IST1: variants seen among roughly 807,000 people sequenced by gnomAD.
The protein encoded by IST1 is IST1 homolog.
Under a neutral mutation model 37.0 loss-of-function variants are expected in IST1, and 23 were observed. The observed-to-expected ratio is 0.62, with a 90% CI of 0.45 to 0.88. IST1 has a LOEUF of 0.88. Among genes scored for constraint, IST1 ranks in the 40% least tolerant of loss-of-function variants. The pLI is 0.00. For synonymous variants in IST1, 180 were observed against 161.7 expected, an observed-to-expected ratio of 1.11 and a Z score of -0.86; for missense variants, 488 against 445.4, an observed-to-expected ratio of 1.10 and a Z score of -0.86.
chr16:71,913,957 C>T (rs2037412957), intron 1 of IST1, among the ~76,000 whole-genome samples: 1 of 151,260 alleles, frequency 6.6e-6, no homozygotes, highest in African/African-American at 2.4e-5. Context: ...TACAGGCATG[C>T]GCCACCACGC....
Position 71,921,892 on chromosome 16 carries a change from C to G in IST1, c.552+439C>G, listed in dbSNP as rs192188855. The G allele has an allele frequency of 2.7e-3, 503 of 187,734 alleles. 2 individuals are homozygous for G. Among genetic ancestry groups the G allele is most frequent in the South Asian group, 0.01 (105 of 10,160 alleles). 11.6% of individuals were successfully genotyped at this position (187,734 alleles called of 1,614,324 possible). A position where few individuals can be genotyped will look rare whatever the true frequency, so the allele number is the denominator to read the frequency against. On this transcript the variant is annotated intron_variant, in intron 6 of 9. Coordinates refer to ENST00000378799, the MANE Select transcript of IST1 (RefSeq NM_001270975.2). ...CTGGCTCACGCCTGTAATCCCAGCA[C>G]TTTGGGAGGCCGAGGCAGGCGGATC... is the stretch of plus-strand genomic sequence containing the variant.
At chr16:71,921,504 C>G in intron 6 of IST1, 51 bp downstream of exon 6, 1 of 1,020,926 alleles carries the variant, frequency 9.8e-7, no homozygotes, top group Non-Finnish European at 1.4e-6. Flanking sequence ...GTATGACCTT[C>G]TTTGGAAAAC....
intron 1 of IST1, among the ~76,000 whole-genome samples, chr16:71,914,535 T>C (rs112676510): frequency 4.4e-4 from 67 of 152,320 alleles, no homozygotes; most frequent in African/African-American, 1.4e-3. Context: ...TAAATACTTA[T>C]TGCATGGATT....
chr16:71,903,628 G>C (rs1206019644), intron 1 of IST1: 1 of 152,124 alleles, frequency 6.6e-6, no homozygotes, highest in Non-Finnish European at 1.5e-5. Flanking sequence ...TGGTCCCTTG[G>C]CCTCAAACGA....
chr16:71,929,907 A>G lies in IST1; in HGVS notation c.*2094A>G. ...GTCTTATAAATTGGGTTTCCTAGGA[A>G]GATAGCTGGCAGAGCTTTTGAAACT... On this transcript the variant is annotated 3_prime_UTR_variant, in exon 10 of 10. Transcript: ENST00000378799. 6.1e-6 allele frequency: 7 copies of G among 1,140,182 alleles called. 1 individual carries two copies. Among genetic ancestry groups the G allele is most frequent in the Non-Finnish European group, 6.1e-6 (5 of 825,924 alleles). 70.6% of individuals were successfully genotyped at this position (1,140,182 alleles called of 1,614,324 possible).
intron 5 of IST1, 120 bp from the exon 6 acceptor site, chr16:71,921,222 TC>T: frequency 1.5e-6 from 1 of 667,450 alleles, no homozygotes; most frequent in Non-Finnish European, 2.7e-6. Flanking sequence ...ATTTAACTGC[TC>T]TGAACCTTTT....
At chr16:71,895,499 G>C (rs2036943360), upstream of IST1, 8 of 985,564 alleles carry the variant, frequency 8.1e-6, no homozygotes, top group South Asian at 9.3e-5. Flanking sequence ...CCCTCCGCCC[G>C]CGCTTGTTGT....
At chr16:71,923,910 G>A (rs2037673273) in intron 8 of IST1, among the ~76,000 whole-genome samples, 2 of 151,942 alleles carry the variant, frequency 1.3e-5, no homozygotes, top group African/African-American at 4.8e-5. Context: ...GGTGGTTCAG[G>A]TTACTTGTTT....
In IST1 at chr16:71,921,368, C is replaced by A; in HGVS notation, c.467C>A (p.Ala156Asp). 6.2e-7 allele frequency: 1 copy of A among 1,612,610 alleles called. No individual in the cohort carries two copies. Among genetic ancestry groups the A allele is most frequent in the South Asian group, 1.1e-5 (1 of 91,016 alleles). Residue 156 changes from alanine to aspartate, a missense_variant, in exon 6 of 10, where the codon GCC (alanine) becomes GAC (aspartate). Transcript: ENST00000378799. ...CTAATGCACAAGCTGAGTGTGGAAG[C>A]CCCACCCAAAATCCTGGTGGAGAGA... is the stretch of plus-strand genomic sequence containing the variant. Reference protein sequence around the residue: ...DRLMHKLSVEAPPKILVERYL... With the variant: ...DRLMHKLSVEDPPKILVERYL...
At chr16:71,895,083 C>T, upstream of IST1, 1 of 405,798 alleles carries the variant, frequency 2.5e-6, no homozygotes, top group Non-Finnish European at 4.5e-6. Flanking sequence ...TTCGAAACCC[C>T]CTCGGCCGCT....
intron 8 of IST1, 184 bp from the exon 9 acceptor site, chr16:71,924,585 C>T (rs1304370483): frequency 3.3e-6 from 2 of 608,626 alleles, no homozygotes; most frequent in African/African-American, 3.7e-5. Context: ...GAGACCCTGT[C>T]TCAAAATCAA....
At chr16:71,919,655 G>A (rs1597251647) in intron 4 of IST1, among the ~76,000 whole-genome samples, 1 of 152,202 alleles carries the variant, frequency 6.6e-6, no homozygotes, top group African/African-American at 2.4e-5. Context: ...GCCTCACAAA[G>A]TGTTGGGATT....
At chr16:71,907,384 TCTC>T (rs1399864454) in intron 1 of IST1, among the ~76,000 whole-genome samples, 1 of 151,864 alleles carries the variant, frequency 6.6e-6, no homozygotes, top group Non-Finnish European at 1.5e-5. Flanking sequence ...TTCATGCCAT[TCTC>T]CTGCCTCAGC....
intron 5 of IST1, 44 bp from the exon 6 acceptor site, chr16:71,921,299 G>C (rs776300544): frequency 8.7e-7 from 1 of 1,145,646 alleles, no homozygotes; most frequent in Admixed American, 1.7e-5. Context: ...GGATTAGGCT[G>C]GTTGGTATAC....
intron 1 of IST1, among the ~76,000 whole-genome samples, chr16:71,913,315 AGGT>A (rs2037399223): frequency 6.6e-6 from 1 of 151,646 alleles, no homozygotes; most frequent in African/African-American, 2.4e-5. Flanking sequence ...AATGGGTGTG[AGGT>A]GGTATCTCAT....
chr16:71,916,019 C>G (rs754091053), intron 2 of IST1, among the ~76,000 whole-genome samples: 3 of 151,798 alleles, frequency 2.0e-5, no homozygotes, highest in African/African-American at 4.8e-5. Context: ...TTAGTAGAGA[C>G]GGGATTTCAC....
At chr16:71,916,691 AG>A in intron 3 of IST1, 49 bp downstream of exon 3, 2 of 1,495,880 alleles carry the variant, frequency 1.3e-6, no homozygotes, top group Non-Finnish European at 1.8e-6. Flanking sequence ...AATTTGAGAA[AG>A]GAGTAATATG....
chr16:71,913,897 C>A (rs985955962), intron 1 of IST1, among the ~76,000 whole-genome samples: 2 of 151,718 alleles, frequency 1.3e-5, no homozygotes, highest in Non-Finnish European at 2.9e-5. Flanking sequence ...CAAACTCCGC[C>A]TCCTGGGTTA....
chr16:71,924,884 T>C, intron 9 of IST1, 67 bp downstream of exon 9: 1 of 1,114,044 alleles, frequency 9.0e-7, no homozygotes, highest in Non-Finnish European at 1.4e-6. Context: ...CTCATTATTG[T>C]TCCTCCCTTA....
Sources: gnomAD v4.1 joint callset for allele counts (sites outside exome capture counted in the v4.1 genomes callset) on GRCh38, gnomAD v4.1.1 for gene constraint, MANE v1.5 for transcripts, NCBI Gene and HGNC (gene_info 2026-07-23, HGNC 2026-07-21) for gene names.